The following GORASP2 variants were observed in gnomAD, a reference collection of about 807,000 sequenced individuals.
GORASP2 encodes golgi reassembly stacking protein 2.
Under a neutral mutation model 45.7 loss-of-function variants are expected in GORASP2, and 22 were observed. The ratio of observed to expected loss-of-function variants is 0.48; its 90% CI spans 0.34 to 0.69. The LOEUF is 0.69. Ranked by LOEUF, GORASP2 falls within the 30% of genes least tolerant of loss-of-function variation. GORASP2 has a pLI of 0.01. For synonymous variants in GORASP2, 221 were observed against 215.6 expected (o/e 1.02, Z -0.22); for missense variants, 491 against 562.7 (o/e 0.87, Z 1.29).
chr2:170,941,416 C>T (rs540647097), intron 1 of GORASP2, among the ~76,000 whole-genome samples: 3 of 152,262 alleles, frequency 2.0e-5, no homozygotes, highest in South Asian at 4.1e-4. Flanking sequence ...ATACAGGGAG[C>T]ATCTTTTAAG....
chr2:170,948,442 T>G lies in GORASP2; in HGVS notation c.144+12T>G, dbSNP rs764519260. On this transcript the variant is annotated intron_variant, in intron 2 of 9. Transcript: ENST00000234160. ...ATGGTTCAAGATTAGTAAGTTCAAC[T>G]TTCTGTAGTTTTGTCTATAGTATTT... The G allele has an allele frequency of 7.3e-7, 1 of 1,370,634 alleles. No homozygotes were observed. The highest frequency in any genetic ancestry group is 1.0e-6 in the Non-Finnish European group (1 of 966,478). 84.9% of individuals were successfully genotyped at this position (1,370,634 alleles called of 1,614,324 possible).
intron 1 of GORASP2, among the ~76,000 whole-genome samples, chr2:170,942,664 T>C (rs1054540617): frequency 2.0e-5 from 3 of 152,198 alleles, no homozygotes; most frequent in Admixed American, 6.5e-5. Context: ...TGCTATAAAA[T>C]TTGTGTACAG....
intron 1 of GORASP2, chr2:170,929,815 A>C (rs1250578085): frequency 2.1e-6 from 1 of 471,484 alleles, no homozygotes; most frequent in East Asian, 7.2e-5. Context: ...GCGCTTTCCT[A>C]GGAGAGGGAT....
intron 1 of GORASP2, among the ~76,000 whole-genome samples, chr2:170,934,862 A>T (rs754702101): frequency 6.6e-6 from 1 of 151,520 alleles, no homozygotes. Flanking sequence ...CTCAGCCTCC[A>T]GAGTGGCTGG....
At chr2:170,928,874 G>A (rs112680776), upstream of GORASP2, 1 of 154,352 alleles carries the variant, frequency 6.5e-6, no homozygotes, top group Non-Finnish European at 1.4e-5. Flanking sequence ...AGAGAGCTTG[G>A]TGTGTGTTGA....
At position 170,929,400 on chromosome 2, in the gene GORASP2, G is replaced by T; in HGVS notation, c.60G>T (p.Leu20=). 7.1e-7 allele frequency: 1 copy of T among 1,407,112 alleles called. No individual in the cohort carries two copies. The highest frequency in any genetic ancestry group is 9.3e-7 in the Non-Finnish European group (1 of 1,079,074). The allele number at this position is 1,407,112 out of a possible 1,614,324, so 87.2% of individuals were successfully genotyped here. The stretch of plus-strand genomic sequence containing the variant: ...GGGGCACCGAGGGCTACCACGTTCT[G>T]CGGGTAAGGGCTCCGACGGCGGCCG... ...PGGGTEGYHV[L]RVQENSPGHR... is the part of the protein sequence containing the mutation. The change falls in exon 1 of 10, where the codon CTG becomes CTT. Residue 20 remains leucine, a synonymous_variant. Coordinates refer to ENST00000234160, the MANE Select transcript of GORASP2 (RefSeq NM_015530.5).
intron 1 of GORASP2, among the ~76,000 whole-genome samples, chr2:170,948,149 A>C (rs1214694924): frequency 6.6e-6 from 1 of 152,134 alleles, no homozygotes; most frequent in Non-Finnish European, 1.5e-5. Flanking sequence ...AAATATAAAT[A>C]GAAGATTAAC....
At chr2:170,935,656 T>G (rs1465354519) in intron 1 of GORASP2, among the ~76,000 whole-genome samples, 1 of 148,090 alleles carries the variant, frequency 6.8e-6, no homozygotes, top group Non-Finnish European at 1.5e-5. Flanking sequence ...CACTGCAGCC[T>G]CCAACTCCCA....
chr2:170,929,697 T>C (rs1184054974), intron 1 of GORASP2: 2 of 618,668 alleles, frequency 3.2e-6, no homozygotes, highest in Non-Finnish European at 3.1e-6. Flanking sequence ...CCTTGCTCTT[T>C]TTCCGCACGG....
At chr2:170,961,045 C>T (rs1704547437) in intron 7 of GORASP2, among the ~76,000 whole-genome samples, 1 of 152,156 alleles carries the variant, frequency 6.6e-6, no homozygotes, top group Non-Finnish European at 1.5e-5. Flanking sequence ...CTTACTTGTA[C>T]GTGAGGAACG....
rs556477428 is a variant in GORASP2 at position 170,965,446 on chromosome 2, C to T, written c.1019-344C>T. On this transcript the variant is annotated intron_variant, in intron 9 of 9. Transcript: ENST00000234160. Reference sequence around the variant, plus strand: ...GCTGGCATGGGTGAGCATGAGTCCCCCTGTCTGACATCCAGTGTAGCTGTG... The same window carrying T: ...GCTGGCATGGGTGAGCATGAGTCCCTCTGTCTGACATCCAGTGTAGCTGTG... Among the ~76,000 whole-genome samples, 4 of 152,320 alleles carry T rather than the reference C, an allele frequency of 2.6e-5. 1 individual carries two copies. Among genetic ancestry groups the T allele is most frequent in the African/African-American group, 9.6e-5 (4 of 41,564 alleles).
chr2:170,929,885 G>A, intron 1 of GORASP2: 1 of 410,182 alleles, frequency 2.4e-6, no homozygotes, highest in South Asian at 1.7e-5. Context: ...CCTCGGCGCC[G>A]GCCGAGTGGC....
intron 1 of GORASP2, among the ~76,000 whole-genome samples, chr2:170,943,457 A>G (rs762256619): frequency 3.9e-5 from 6 of 152,186 alleles, no homozygotes; most frequent in South Asian, 4.1e-4. Flanking sequence ...TTAGCTAGGC[A>G]TTTCATAAAC....
Position 170,966,433 on chromosome 2 carries a change from G to A in GORASP2, c.*303G>A. On this transcript the variant is annotated 3_prime_UTR_variant, in exon 10 of 10. Transcript: ENST00000234160. ...GTGTGCATCTTCGGGAAAGGTGGTG[G>A]CGGGGCGTCCACTAGGTTTCCTGTC... is the stretch of plus-strand genomic sequence containing the variant. The A allele has an allele frequency of 2.2e-6, 1 of 452,976 alleles. No individual in the cohort carries two copies. Among genetic ancestry groups the A allele is most frequent in the South Asian group, 2.3e-5 (1 of 42,872 alleles). The allele number at this position is 452,976 out of a possible 1,614,324, so 28.1% of individuals were successfully genotyped here. A position where few individuals can be genotyped will look rare whatever the true frequency, so the allele number is the denominator to read the frequency against.
chr2:170,962,806 T>G, intron 8 of GORASP2, 33 bp from the exon 9 acceptor site: 2 of 1,372,712 alleles, frequency 1.5e-6, no homozygotes, highest in Non-Finnish European at 2.1e-6. Flanking sequence ...GGTCAAGTGA[T>G]TTCTCTTTTT....
chr2:170,950,094 G>C lies in GORASP2; in HGVS notation c.349-110G>C, dbSNP rs988223709. The C allele has an allele frequency of 7.0e-5, 43 of 613,420 alleles. 1 individual carries two copies. Among genetic ancestry groups the C allele is most frequent in the South Asian group, 6.4e-4 (29 of 45,312 alleles). The allele number at this position is 613,420 out of a possible 1,614,324, so 38.0% of individuals were successfully genotyped here. A position where few individuals can be genotyped will look rare whatever the true frequency, so the allele number is the denominator to read the frequency against. ...CTGACATCTGACACATCTCTAGCAA[G>C]ACAGAAGTATACAGATTTAAAAAAT... On this transcript the variant is annotated intron_variant, in intron 3 of 9. Transcript: ENST00000234160.
rs1190373332 is a variant in GORASP2, at chr2:170,948,441, C to G, written c.144+11C>G. ...AATGGTTCAAGATTAGTAAGTTCAA[C>G]TTTCTGTAGTTTTGTCTATAGTATT... On this transcript the variant is annotated intron_variant, in intron 2 of 9. Coordinates refer to ENST00000234160, the MANE Select transcript of GORASP2 (RefSeq NM_015530.5). The G allele has an allele frequency of 1.7e-5, 24 of 1,398,592 alleles. No homozygotes were observed. Among genetic ancestry groups the G allele is most frequent in the Non-Finnish European group, 2.3e-5 (23 of 991,898 alleles). The allele number at this position is 1,398,592 out of a possible 1,614,324, so 86.6% of individuals were successfully genotyped here. A position where few individuals can be genotyped will look rare whatever the true frequency, so the allele number is the denominator to read the frequency against.
chr2:170,951,943 T>C (rs897684114), intron 5 of GORASP2, among the ~76,000 whole-genome samples: 1 of 152,212 alleles, frequency 6.6e-6, no homozygotes, highest in Admixed American at 6.5e-5. Context: ...AGATGTGTCA[T>C]CCAAGAGTCT....
At chr2:170,950,638 A>G (rs1215746700) in intron 4 of GORASP2, among the ~76,000 whole-genome samples, 2 of 152,208 alleles carry the variant, frequency 1.3e-5, no homozygotes, top group Non-Finnish European at 2.9e-5. Context: ...GCTATATTAC[A>G]TCCTTTTCCT....
Sources: allele counts gnomAD v4.1 joint callset (sites outside exome capture counted in the v4.1 genomes callset), GRCh38; gene constraint gnomAD v4.1.1; transcripts MANE v1.5; gene names NCBI Gene and HGNC (gene_info 2026-07-23, HGNC 2026-07-21).